The following CTIF variants were observed in gnomAD, a reference collection of about 807,000 sequenced individuals.
The protein encoded by CTIF is CBP80/20-dependent translation initiation factor.
CTIF carries 21 observed loss-of-function variants against 66.0 expected under a neutral mutation model. The observed-to-expected ratio is 0.32, with a 90% CI of 0.23 to 0.46. CTIF has a LOEUF of 0.46. Ranked by LOEUF, CTIF falls within the 20% of genes least tolerant of loss-of-function variation. The pLI is 1.00. For synonymous variants in CTIF, 345 were observed against 326.4 expected (o/e 1.06, Z -0.62); for missense variants, 739 against 812.7 (o/e 0.91, Z 1.10).
At chr18:48,626,357 C>CT (rs199918489) in intron 2 of CTIF, among the ~76,000 whole-genome samples, 2,531 of 149,652 alleles carry the variant, frequency 0.017, 61 homozygotes, top group African/African-American at 0.06. Context: ...TTCTTTTTTT[C>CT]TTTTTTTTTG....
At chr18:48,768,061 C>T (rs1909744997) in intron 9 of CTIF, among the ~76,000 whole-genome samples, 1 of 152,068 alleles carries the variant, frequency 6.6e-6, no homozygotes, top group Non-Finnish European at 1.5e-5. Context: ...TCTCCTTGTC[C>T]CATGTTTTCA....
chr18:48,836,725 T>C (rs1480965391), intron 10 of CTIF, among the ~76,000 whole-genome samples: 1 of 152,248 alleles, frequency 6.6e-6, no homozygotes, highest in Non-Finnish European at 1.5e-5. Flanking sequence ...CCTCTTTGCC[T>C]GGTGCAGGAA....
At chr18:48,732,988 A>G (rs1878951652) in intron 7 of CTIF, among the ~76,000 whole-genome samples, 1 of 152,228 alleles carries the variant, frequency 6.6e-6, no homozygotes, top group South Asian at 2.1e-4. Context: ...GTGTGGCTGT[A>G]GACAACATCA....
At chr18:48,784,469 T>C (rs1158831356) in intron 9 of CTIF, among the ~76,000 whole-genome samples, 1 of 152,248 alleles carries the variant, frequency 6.6e-6, no homozygotes, top group East Asian at 1.9e-4. Flanking sequence ...GGAGGGGCAC[T>C]GTTTGCCCTA....
chr18:48,623,626 G>A (rs1054093153), intron 2 of CTIF, among the ~76,000 whole-genome samples: 1 of 151,000 alleles, frequency 6.6e-6, no homozygotes, highest in South Asian at 2.1e-4. Context: ...GTTCCTGTCT[G>A]CCTGTGTGGT....
intron 3 of CTIF, among the ~76,000 whole-genome samples, chr18:48,648,743 A>G (rs1405747513): frequency 2.0e-5 from 3 of 152,168 alleles, no homozygotes; most frequent in Non-Finnish European, 4.4e-5. Context: ...AAAAGCCCTC[A>G]TAGTGTCTCT....
intron 3 of CTIF, among the ~76,000 whole-genome samples, chr18:48,640,078 GGT>G (rs1324047221): frequency 6.6e-6 from 1 of 152,160 alleles, no homozygotes; most frequent in Non-Finnish European, 1.5e-5. Flanking sequence ...CCCACTGAAG[GGT>G]GCCTTTGCTG....
At chr18:48,732,295 G>A (rs1195746793) in intron 7 of CTIF, among the ~76,000 whole-genome samples, 1 of 152,208 alleles carries the variant, frequency 6.6e-6, no homozygotes. Context: ...TGATGCCTCA[G>A]GGGTAACAGA....
intron 5 of CTIF, among the ~76,000 whole-genome samples, chr18:48,665,596 C>G (rs1270231437): frequency 2.0e-5 from 3 of 152,184 alleles, no homozygotes; most frequent in African/African-American, 4.8e-5. Flanking sequence ...TTCTCATCAT[C>G]CCAATATAAA....
intron 1 of CTIF, among the ~76,000 whole-genome samples, chr18:48,578,690 G>T (rs1030361712): frequency 6.6e-6 from 1 of 152,086 alleles, no homozygotes; most frequent in Non-Finnish European, 1.5e-5. Flanking sequence ...CTTTTAGTTT[G>T]GTTATTTGTC....
chr18:48,611,250 G>T (rs1022742994), intron 1 of CTIF, among the ~76,000 whole-genome samples: 3 of 152,254 alleles, frequency 2.0e-5, no homozygotes, highest in African/African-American at 7.2e-5. Flanking sequence ...ATGTGCCTGA[G>T]CTCCATGCTG....
At chr18:48,735,259 A>G (rs1006320064) in intron 7 of CTIF, among the ~76,000 whole-genome samples, 2 of 152,180 alleles carry the variant, frequency 1.3e-5, no homozygotes, top group African/African-American at 4.8e-5. Flanking sequence ...AGGGGAGAGC[A>G]TTCCTGATAA....
In CTIF at chr18:48,783,739, T is replaced by C. The variant is rs1911457301; in HGVS notation, c.1371+22050T>C. ...TCCTCCCACGTGGCTGGGAATTCAG[T>C]GTTTTGCTGTCTGCCGCAGGCTGCC... On this transcript the variant is annotated intron_variant, in intron 9 of 11. Coordinates refer to ENST00000256413, the MANE Select transcript of CTIF (RefSeq NM_014772.3). Among the ~76,000 whole-genome samples, 3 of 152,120 alleles carry C rather than the reference T, an allele frequency of 2.0e-5. No individual in the cohort carries two copies. In the South Asian group the frequency reaches 6.3e-4, roughly 32 times the overall value.
chr18:48,749,971 G>T (rs1024680095), intron 7 of CTIF, among the ~76,000 whole-genome samples: 1 of 152,250 alleles, frequency 6.6e-6, no homozygotes, highest in African/African-American at 2.4e-5. Context: ...GCGGAGCCTG[G>T]CGACTCCCCA....
chr18:48,634,883 G>A (rs532201783), intron 2 of CTIF, among the ~76,000 whole-genome samples: 2 of 152,240 alleles, frequency 1.3e-5, no homozygotes, highest in African/African-American at 2.4e-5. Context: ...TTTCTAACAC[G>A]GAATGGAAAG....
At chr18:48,794,664 C>A (rs919867757) in intron 9 of CTIF, among the ~76,000 whole-genome samples, 1 of 152,104 alleles carries the variant, frequency 6.6e-6, no homozygotes, top group African/African-American at 2.4e-5. Flanking sequence ...TACAAACCAC[C>A]CAGGATGATT....
At chr18:48,746,141 G>T (rs1003005741) in intron 7 of CTIF, among the ~76,000 whole-genome samples, 1 of 152,240 alleles carries the variant, frequency 6.6e-6, no homozygotes, top group African/African-American at 2.4e-5. Flanking sequence ...CGGCTCCTCT[G>T]TGTCCCATCT....
At chr18:48,677,221 C>T (rs568806384) in intron 6 of CTIF, among the ~76,000 whole-genome samples, 1 of 152,296 alleles carries the variant, frequency 6.6e-6, no homozygotes, top group Admixed American at 6.5e-5. Flanking sequence ...AACCATGCCC[C>T]ACCTCGCCTC....
intron 5 of CTIF, among the ~76,000 whole-genome samples, chr18:48,668,218 T>G (rs997982954): frequency 6.6e-6 from 1 of 152,234 alleles, no homozygotes; most frequent in African/African-American, 2.4e-5. Flanking sequence ...TGGAGTGTGC[T>G]AGGCTGGTGC....
Sources: gnomAD v4.1 joint callset for allele counts (sites outside exome capture counted in the v4.1 genomes callset) on GRCh38, gnomAD v4.1.1 for gene constraint, MANE v1.5 for transcripts, NCBI Gene and HGNC (gene_info 2026-07-23, HGNC 2026-07-21) for gene names.